DPP6: variants seen among roughly 807,000 people sequenced by gnomAD.
The protein encoded by DPP6 is A-type potassium channel modulatory protein DPP6.
Under a neutral mutation model 122.6 loss-of-function variants are expected in DPP6, and 69 were observed. The ratio of observed to expected loss-of-function variants is 0.56; its 90% CI spans 0.46 to 0.69. The LOEUF (loss-of-function observed/expected upper bound fraction) is 0.69, where lower values mean the gene tolerates loss of function less well. Ranked by LOEUF, DPP6 falls within the 30% of genes least tolerant of loss-of-function variation. DPP6 has a pLI of 0.00. For missense variants in DPP6, 928 were observed against 1,116.9 expected (o/e 0.83, Z 2.41); for synonymous variants, 418 against 433.1 (o/e 0.97, Z 0.43).
At chr7:154,245,591 G>T (rs2031487963) in intron 1 of DPP6, among the ~76,000 whole-genome samples, 1 of 138,662 alleles carries the variant, frequency 7.2e-6, no homozygotes. Context: ...AGCTGAGATT[G>T]TGCCACTGCA....
chr7:153,874,198 A>T, the DPP6 span, among the ~76,000 whole-genome samples: 2 of 152,122 alleles, frequency 1.3e-5, no homozygotes, highest in Non-Finnish European at 1.5e-5. Flanking sequence ...ACCAAGAAAG[A>T]ACAAAATAAT....
intron 16 of DPP6, among the ~76,000 whole-genome samples, chr7:154,839,878 C>G (rs1801380855): frequency 6.6e-6 from 1 of 151,902 alleles, no homozygotes; most frequent in South Asian, 2.1e-4. Flanking sequence ...GTGGAAATAA[C>G]TGGAGGTCCC....
At chr7:154,242,176 C>T (rs1801663310) in intron 1 of DPP6, among the ~76,000 whole-genome samples, 1 of 152,142 alleles carries the variant, frequency 6.6e-6, no homozygotes, top group South Asian at 2.1e-4. Context: ...AAATGTTATC[C>T]AGTCTTGCTA....
At chr7:154,715,687 G>C (rs550847924) in intron 7 of DPP6, among the ~76,000 whole-genome samples, 1 of 152,298 alleles carries the variant, frequency 6.6e-6, no homozygotes, top group South Asian at 2.1e-4. Flanking sequence ...TCCCCTGGCT[G>C]TCACCCTCAG....
At chr7:154,381,303 A>G (rs1278846043) in intron 1 of DPP6, among the ~76,000 whole-genome samples, 1 of 152,196 alleles carries the variant, frequency 6.6e-6, no homozygotes, top group African/African-American at 2.4e-5. Context: ...CGTTGTGTAC[A>G]AAGCATTTTG....
chr7:154,173,811 A>C (rs576154614), intron 1 of DPP6, among the ~76,000 whole-genome samples: 37 of 152,286 alleles, frequency 2.4e-4, no homozygotes, highest in African/African-American at 8.2e-4. Context: ...CATCCTGAGA[A>C]TCACCATGAC....
At chr7:154,203,192 A>T (rs1468147341) in intron 1 of DPP6, among the ~76,000 whole-genome samples, 1 of 152,314 alleles carries the variant, frequency 6.6e-6, no homozygotes, top group South Asian at 2.1e-4. Flanking sequence ...CCGGCATATA[A>T]TGTTTGCAGC....
At chr7:154,772,798 T>C in intron 9 of DPP6, 47 bp from the exon 10 acceptor site, 2 of 1,586,754 alleles carry the variant, frequency 1.3e-6, no homozygotes, top group Non-Finnish European at 1.7e-6. Context: ...AAGTTCACTC[T>C]TGTATAAGGC....
chr7:154,016,873 G>T (rs1240069906), intron 1 of DPP6, among the ~76,000 whole-genome samples: 2 of 152,188 alleles, frequency 1.3e-5, no homozygotes, highest in African/African-American at 2.4e-5. Flanking sequence ...GAGGGAGAAA[G>T]TGGATTGTTT....
intron 21 of DPP6, chr7:154,883,808 CA>C: frequency 7.4e-6 from 1 of 134,562 alleles, no homozygotes; most frequent in South Asian, 2.3e-4. Context: ...CTCACGCACA[CA>C]TGCTCACACA....
intron 1 of DPP6, among the ~76,000 whole-genome samples, chr7:154,401,600 GA>G (rs1232899229): frequency 6.6e-6 from 1 of 152,098 alleles, no homozygotes; most frequent in East Asian, 1.9e-4. Context: ...ATCAATTCAA[GA>G]TGGATTAAAG....
chr7:154,072,550 C>G (rs1803193087), intron 1 of DPP6, among the ~76,000 whole-genome samples: 1 of 152,276 alleles, frequency 6.6e-6, no homozygotes, highest in Non-Finnish European at 1.5e-5. Context: ...AGTTGGCTCA[C>G]TGTTTCCAGT....
chr7:154,887,420 G>C (rs1431411422), intron 22 of DPP6, among the ~76,000 whole-genome samples: 1 of 152,230 alleles, frequency 6.6e-6, no homozygotes, highest in Non-Finnish European at 1.5e-5. Flanking sequence ...TTAAGGTTCT[G>C]CGATGCTGAT....
At chr7:154,422,523 A>G (rs1439623393) in intron 1 of DPP6, among the ~76,000 whole-genome samples, 1 of 152,088 alleles carries the variant, frequency 6.6e-6, no homozygotes, top group Non-Finnish European at 1.5e-5. Flanking sequence ...AAAACACACA[A>G]TTTTCGCTAG....
At chr7:153,797,927 C>T in the DPP6 span, among the ~76,000 whole-genome samples, 21 of 152,192 alleles carry the variant, frequency 1.4e-4, no homozygotes, top group East Asian at 1.9e-4. Flanking sequence ...CTATAAGCTC[C>T]GCCTTCTGGG....
chr7:154,715,317 C>T (rs1841421858), intron 7 of DPP6, among the ~76,000 whole-genome samples: 1 of 152,204 alleles, frequency 6.6e-6, no homozygotes, highest in South Asian at 2.1e-4. Flanking sequence ...GATCCACCTG[C>T]CTAGGCCTCC....
At chr7:154,376,430 G>T (rs915057702) in intron 1 of DPP6, among the ~76,000 whole-genome samples, 15 of 152,200 alleles carry the variant, frequency 9.9e-5, no homozygotes. Flanking sequence ...CTGGTGTTTA[G>T]AAATACATAG....
chr7:154,341,143 C>A (rs1010609769), intron 1 of DPP6, among the ~76,000 whole-genome samples: 69 of 152,138 alleles, frequency 4.5e-4, no homozygotes, highest in African/African-American at 1.6e-3. Flanking sequence ...ATTACTCTGT[C>A]CCCATTTGGC....
intron 1 of DPP6, among the ~76,000 whole-genome samples, chr7:154,347,706 T>C (rs1308831430): frequency 6.6e-6 from 1 of 152,222 alleles, no homozygotes; most frequent in Non-Finnish European, 1.5e-5. Flanking sequence ...GAATGGGTAT[T>C]TTAGCAACAA....
Sources: gnomAD v4.1 joint callset for allele counts (sites outside exome capture counted in the v4.1 genomes callset) on GRCh38, gnomAD v4.1.1 for gene constraint, MANE v1.5 for transcripts, NCBI Gene and HGNC (gene_info 2026-07-23, HGNC 2026-07-21) for gene names.